Variants in NXF1 observed in about 807,000 individuals in gnomAD.
NXF1 encodes nuclear RNA export factor 1.
Under a neutral mutation model 92.4 loss-of-function variants are expected in NXF1, and 43 were observed. The ratio of observed to expected loss-of-function variants is 0.47; its 90% CI spans 0.36 to 0.60. The LOEUF (loss-of-function observed/expected upper bound fraction) is 0.60, where lower values mean the gene tolerates loss of function less well. Ranked by LOEUF, NXF1 falls within the 20% of genes least tolerant of loss-of-function variation. NXF1 has a pLI of 0.00. For synonymous variants in NXF1, 288 were observed against 292.2 expected (o/e 0.99, Z 0.15); for missense variants, 576 against 793.0 (o/e 0.73, Z 3.29).
At chr11:62,795,767 G>A (rs947478642) in intron 17 of NXF1, 134 bp downstream of exon 17, 46 of 856,700 alleles carry the variant, frequency 5.4e-5, no homozygotes, top group East Asian at 2.7e-4. Context: ...AGCCAAGACG[G>A]CTTGGGGGCA....
In NXF1 at chr11:62,803,455, G is replaced by A. The variant is rs2084501434; in HGVS notation, c.333C>T (p.Ser111=). The change falls in exon 3 of 21, where the codon AGC becomes AGT. Residue 111 remains serine (S), a synonymous_variant. Transcript: ENST00000294172. The part of the protein sequence containing the change: ...APPERGGAGT[S]QDGTSKNWFK... Reference sequence around the variant, plus strand: ...ACCAGTTCTTTGAGGTCCCATCCTGGCTGGTGCCAGCCCCTCCTCTCTCTG... The same window carrying A: ...ACCAGTTCTTTGAGGTCCCATCCTGACTGGTGCCAGCCCCTCCTCTCTCTG... The A allele has an allele frequency of 2.5e-6, 4 of 1,613,912 alleles. No individual in the cohort carries two copies. The highest frequency in any genetic ancestry group is 3.4e-6 in the Non-Finnish European group (4 of 1,180,000).
At position 62,794,446 on chromosome 11, in the gene NXF1, G is replaced by A. The variant is rs1189728200; in HGVS notation, c.1578-6C>T. Reference sequence around the variant, plus strand: ...CATCATTTACAATACATAGCCTTGAGGACAAAGAGCACTTAAAAAGCTAGA... The same window carrying A: ...CATCATTTACAATACATAGCCTTGAAGACAAAGAGCACTTAAAAAGCTAGA... On this transcript the variant is annotated splice_region_variant and splice_polypyrimidine_tract_variant and intron_variant, in intron 18 of 20. Transcript: ENST00000294172. 2.5e-6 allele frequency: 4 copies of A among 1,602,590 alleles called. No homozygotes were observed. Among genetic ancestry groups the A allele is most frequent in the Non-Finnish European group, 3.4e-6 (4 of 1,170,482 alleles).
At chr11:62,798,436 TAAAAA>T in intron 11 of NXF1, 98 bp downstream of exon 11, 3 of 1,176,314 alleles carry the variant, frequency 2.6e-6, no homozygotes, top group South Asian at 3.2e-5. Context: ...CCGTCTCAAA[TAAAAA>T]AAAAAAAAAG....
At chr11:62,796,979 A>ACC (rs2084427432) in intron 13 of NXF1, 1 of 591,706 alleles carries the variant, frequency 1.7e-6, no homozygotes, top group Non-Finnish European at 3.0e-6. Flanking sequence ...AGGCAGGAGA[A>ACC]TCACTTGAAC....
At chr11:62,799,608 C>T (rs2084456974) in intron 10 of NXF1, 6 of 985,710 alleles carry the variant, frequency 6.1e-6, no homozygotes, top group African/African-American at 3.5e-5. Context: ...AACAGGGTGA[C>T]GTGCAGTGTG....
intron 13 of NXF1, 165 bp downstream of exon 13, chr11:62,797,018 A>G: frequency 1.5e-6 from 1 of 649,528 alleles, no homozygotes; most frequent in Non-Finnish European, 2.6e-6. Flanking sequence ...CAGTGAGCCA[A>G]GATCACACCA....
In NXF1 at chr11:62,797,188, C is replaced by G. The variant is rs1328449346; in HGVS notation, c.1173G>C (p.Leu391=). Reference sequence around the variant, plus strand: ...GGGGACCCTGGGATACTTACTGTTGCAGGAAGTGCAAGACCAGACTCTTCA... The same window carrying G: ...GGGGACCCTGGGATACTTACTGTTGGAGGAAGTGCAAGACCAGACTCTTCA... ...ENLKSLVLHF[L]QQYYAIYDSG... is the part of the protein sequence containing the mutation. Residue 391 remains leucine, a synonymous_variant, in exon 13 of 21, where the codon CTG becomes CTC. Transcript: ENST00000294172. 6.2e-7 allele frequency: 1 copy of G among 1,614,084 alleles called. No homozygotes were observed. Among genetic ancestry groups the G allele is most frequent in the Non-Finnish European group, 8.5e-7 (1 of 1,180,002 alleles).
At chr11:62,799,821 T>G (rs1158481267) in intron 10 of NXF1, 1 of 986,016 alleles carries the variant, frequency 1.0e-6, no homozygotes, top group Admixed American at 6.1e-5. Context: ...AGAGACAGAT[T>G]GCATGCCACC....
intron 13 of NXF1, 109 bp downstream of exon 13, chr11:62,797,074 A>C: frequency 9.5e-7 from 1 of 1,047,502 alleles, no homozygotes; most frequent in Non-Finnish European, 1.4e-6. Flanking sequence ...TCCAAAAAAA[A>C]AAAAAAAAAC....
intron 10 of NXF1, chr11:62,798,805 A>G: frequency 7.4e-7 from 1 of 1,353,700 alleles, no homozygotes; most frequent in Non-Finnish European, 9.5e-7. Flanking sequence ...CCTGACCCTG[A>G]GTGTCAAGGA....
At position 62,797,251 on chromosome 11, in the gene NXF1, A is replaced by C. The variant is rs371908085; in HGVS notation, c.1123-13T>G. ...CAAAATAGCTTCCCTGAAATCAAAC[A>C]GGTATTAGGAACATGGAAGCAGTAT... is the stretch of plus-strand genomic sequence containing the variant. On this transcript the variant is annotated splice_polypyrimidine_tract_variant and intron_variant, in intron 12 of 20. Coordinates refer to ENST00000294172, the MANE Select transcript of NXF1 (RefSeq NM_006362.5). 11 of 1,614,092 alleles carry C rather than the reference A, an allele frequency of 6.8e-6. No individual in the cohort carries two copies. In the South Asian group the frequency reaches 1.2e-4, roughly 18 times the overall value.
At position 62,798,583 on chromosome 11, in the gene NXF1, G is replaced by C; in HGVS notation, c.1017-8C>G. 1 of 1,614,046 alleles carries C rather than the reference G, an allele frequency of 6.2e-7. No homozygotes were observed. Among genetic ancestry groups the C allele is most frequent in the Non-Finnish European group, 8.5e-7 (1 of 1,179,938 alleles). On this transcript the variant is annotated splice_polypyrimidine_tract_variant and splice_region_variant and intron_variant, in intron 10 of 20. Coordinates refer to ENST00000294172, the MANE Select transcript of NXF1 (RefSeq NM_006362.5). ...AATCGTTCGCGAATGGCGCTGTCAA[G>C]AACGGGACAGAAGTGAGTGATGCTT... is the stretch of plus-strand genomic sequence containing the variant.
At chr11:62,803,290 T>A in intron 3 of NXF1, 129 bp downstream of exon 3, 1 of 741,134 alleles carries the variant, frequency 1.3e-6, no homozygotes, top group Non-Finnish European at 2.1e-6. Flanking sequence ...TACTCCAGCC[T>A]GGGTGACAGA....
rs757932214 is a variant in NXF1 at position 62,798,527 on chromosome 11, T to C, written c.1053+12A>G. 3 of 1,613,676 alleles carry C rather than the reference T, an allele frequency of 1.9e-6. No individual in the cohort carries two copies. The highest frequency in any genetic ancestry group is 2.2e-5 in the South Asian group (2 of 91,048). ...TGCTGTGCTTGTTAGAATGAAAAAA[T>C]TATGGACTTACCAGGCGTAGTAACT... On this transcript the variant is annotated intron_variant, in intron 11 of 20. Coordinates refer to ENST00000294172, the MANE Select transcript of NXF1 (RefSeq NM_006362.5).
At chr11:62,793,819 T>TAAAAAAAAAA (rs56389050) in intron 19 of NXF1, among the ~76,000 whole-genome samples, 23 of 86,510 alleles carry the variant, frequency 2.7e-4, no homozygotes, top group African/African-American at 5.7e-4. Context: ...CCGTCTCTAC[T>TAAAAAAAAAA]AAAAAAAAAA....
chr11:62,798,516 G>C (rs778524648), intron 11 of NXF1, 23 bp downstream of exon 11: 37 of 1,613,774 alleles, frequency 2.3e-5, no homozygotes, highest in Non-Finnish European at 2.6e-5. Flanking sequence ...GTGCTTGTTA[G>C]AATGAAAAAA....
In NXF1 at chr11:62,801,121, C is replaced by T; in HGVS notation, c.879G>A (p.Leu293=). ...CATTTCCAGAAAGGTTTAGGATCTT[C>T]AGGTTGGGTGCCTTCTGAACAATGC... The part of the protein sequence containing the change: ...MSSIVQKAPN[L]KILNLSGNEL... Residue 293 remains leucine (L), a synonymous_variant, in exon 9 of 21, where the codon CTG becomes CTA. Coordinates refer to ENST00000294172, the MANE Select transcript of NXF1 (RefSeq NM_006362.5). 1 of 1,614,130 alleles carries T rather than the reference C, an allele frequency of 6.2e-7. No individual in the cohort carries two copies. Among genetic ancestry groups the T allele is most frequent in the Non-Finnish European group, 8.5e-7 (1 of 1,179,956 alleles).
At chr11:62,799,675 C>T in intron 10 of NXF1, 16 of 986,034 alleles carry the variant, frequency 1.6e-5, no homozygotes, top group Non-Finnish European at 1.9e-5. Flanking sequence ...CCTTGGTAGC[C>T]TATGCCCCCG....
chr11:62,793,069 GTTT>G (rs1371269240), intron 19 of NXF1, among the ~76,000 whole-genome samples: 1 of 147,130 alleles, frequency 6.8e-6, no homozygotes, highest in African/African-American at 2.5e-5. Flanking sequence ...TCAGGTTTGT[GTTT>G]TTCTGTTTGC....
Sources: allele counts gnomAD v4.1 joint callset (sites outside exome capture counted in the v4.1 genomes callset), GRCh38; gene constraint gnomAD v4.1.1; transcripts MANE v1.5; gene names NCBI Gene and HGNC (gene_info 2026-07-23, HGNC 2026-07-21).